Variants in RBFOX1 observed in about 807,000 individuals in gnomAD.
RBFOX1 encodes RNA binding fox-1 homolog 1.
Under a neutral mutation model 57.7 loss-of-function variants are expected in RBFOX1, and 8 were observed. The ratio of observed to expected loss-of-function variants is 0.14; its 90% CI spans 0.08 to 0.25. RBFOX1 has a LOEUF of 0.25. Among genes scored for constraint, RBFOX1 ranks in the 10% least tolerant of loss-of-function variants. RBFOX1 has a pLI of 1.00. For missense variants in RBFOX1, 611 were observed against 548.5 expected (o/e 1.11, Z -1.14); for synonymous variants, 326 against 222.4 (o/e 1.47, Z -4.15).
chr16:7,683,253 G>C (rs937938757), intron 14 of RBFOX1, among the ~76,000 whole-genome samples: 5 of 150,516 alleles, frequency 3.3e-5, no homozygotes, highest in African/African-American at 1.2e-4. Context: ...TCTCAGTACT[G>C]AGAAGTAATA....
intron 2 of RBFOX1, among the ~76,000 whole-genome samples, chr16:6,365,392 A>G (rs1026058425): frequency 1.3e-5 from 2 of 151,554 alleles, no homozygotes; most frequent in African/African-American, 4.8e-5. Flanking sequence ...AGGTGGATGG[A>G]TGAGTAGATG....
At chr16:5,701,341 A>C (rs1255371813) in intron 3 of RBFOX1, among the ~76,000 whole-genome samples, 2 of 152,198 alleles carry the variant, frequency 1.3e-5, no homozygotes, top group African/African-American at 4.8e-5. Context: ...TTGAAAGTTT[A>C]TTTTGCATGT....
chr16:7,036,730 CAAAGAA>C (rs869268425), intron 3 of RBFOX1, among the ~76,000 whole-genome samples: 11 of 132,136 alleles, frequency 8.3e-5, no homozygotes, highest in Middle Eastern at 3.8e-3. Flanking sequence ...AAAAAACAAA[CAAAGAA>C]AAAAAAAAAG....
At chr16:7,704,442 C>G (rs998127436) in intron 14 of RBFOX1, among the ~76,000 whole-genome samples, 2 of 152,168 alleles carry the variant, frequency 1.3e-5, no homozygotes, top group African/African-American at 4.8e-5. Flanking sequence ...TTGAAGCATC[C>G]TGAATGTGTC....
At chr16:7,472,953 T>TGGCTGTGCCTTTCATA (rs2061839204) in intron 4 of RBFOX1, among the ~76,000 whole-genome samples, 1 of 84,196 alleles carries the variant, frequency 1.2e-5, no homozygotes, top group African/African-American at 3.7e-5. Flanking sequence ...TACAGGGATT[T>TGGCTGTGCCTTTCATA]GGCTATGCCT....
At chr16:7,473,531 A>T (rs2061993981) in intron 4 of RBFOX1, among the ~76,000 whole-genome samples, 1 of 149,188 alleles carries the variant, frequency 6.7e-6, no homozygotes, top group African/African-American at 2.4e-5. Flanking sequence ...TAATATATAT[A>T]AAGGACCTTG....
At chr16:6,598,837 TC>T (rs200541243) in intron 2 of RBFOX1, among the ~76,000 whole-genome samples, 4,419 of 152,156 alleles carry the variant, frequency 0.029, 216 homozygotes, top group African/African-American at 0.1. Context: ...TCCCAGCTAC[TC>T]GGGAGGCTGA....
At chr16:5,532,055 T>C (rs1310999183) in intron 2 of RBFOX1, among the ~76,000 whole-genome samples, 2 of 152,158 alleles carry the variant, frequency 1.3e-5, no homozygotes, top group Non-Finnish European at 2.9e-5. Flanking sequence ...CGCCTCGACC[T>C]CCCAAAGTGC....
chr16:7,701,845 G>C (rs2080842173), intron 14 of RBFOX1, among the ~76,000 whole-genome samples: 1 of 152,202 alleles, frequency 6.6e-6, no homozygotes, highest in South Asian at 2.1e-4. Context: ...ACATTTCCTA[G>C]ATAAACCATT....
chr16:7,474,271 G>A (rs1358628230), intron 4 of RBFOX1, among the ~76,000 whole-genome samples: 1 of 151,990 alleles, frequency 6.6e-6, no homozygotes, highest in Non-Finnish European at 1.5e-5. Flanking sequence ...TGGGTGACAG[G>A]GCGAGACTCC....
intron 3 of RBFOX1, among the ~76,000 whole-genome samples, chr16:7,013,736 C>T (rs545722997): frequency 4.0e-5 from 6 of 151,892 alleles, no homozygotes; most frequent in Admixed American, 3.3e-4. Context: ...CTGCTCACTG[C>T]AGCCTCAAAC....
At chr16:6,826,540 C>G (rs7197330) in intron 3 of RBFOX1, among the ~76,000 whole-genome samples, 117,861 of 152,080 alleles carry the variant, frequency 0.77, 45,977 homozygotes, top group African/African-American at 0.87. Context: ...GCACAGTCTT[C>G]CGGGCATACG....
chr16:5,989,116 C>T (rs112029301), intron 4 of RBFOX1, among the ~76,000 whole-genome samples: 100 of 149,978 alleles, frequency 6.7e-4, no homozygotes, highest in African/African-American at 2.1e-3. Context: ...GTCAAGGGAT[C>T]GAGACCATCC....
At chr16:7,582,913 A>G (rs2093886478) in intron 6 of RBFOX1, among the ~76,000 whole-genome samples, 1 of 152,158 alleles carries the variant, frequency 6.6e-6, no homozygotes, top group Admixed American at 6.5e-5. Context: ...ACTGCCTAAA[A>G]CTTGGCAGTG....
intron 3 of RBFOX1, among the ~76,000 whole-genome samples, chr16:6,775,171 A>G (rs1225151367): frequency 1.5e-5 from 2 of 133,104 alleles, no homozygotes; most frequent in Admixed American, 1.4e-4. Flanking sequence ...TAAAAGTACA[A>G]AAAAAAAAAA....
chr16:7,181,902 C>G (rs1462850896), intron 4 of RBFOX1, among the ~76,000 whole-genome samples: 1 of 152,048 alleles, frequency 6.6e-6, no homozygotes, highest in Non-Finnish European at 1.5e-5. Context: ...TGAAGTGGTT[C>G]TTACGTAATT....
intron 1 of RBFOX1, among the ~76,000 whole-genome samples, chr16:5,334,088 A>T (rs2064836313): frequency 2.0e-5 from 3 of 152,156 alleles, no homozygotes; most frequent in Non-Finnish European, 4.4e-5. Context: ...ACAGACTAAG[A>T]GTATTTAAGG....
At chr16:7,690,279 T>G (rs1000925913) in intron 14 of RBFOX1, among the ~76,000 whole-genome samples, 1 of 152,082 alleles carries the variant, frequency 6.6e-6, no homozygotes, top group East Asian at 1.9e-4. Flanking sequence ...ACCATTCACC[T>G]CAACAAGTGA....
chr16:5,647,994 G>A (rs998630495), intron 3 of RBFOX1, among the ~76,000 whole-genome samples: 1 of 152,160 alleles, frequency 6.6e-6, no homozygotes, highest in Non-Finnish European at 1.5e-5. Context: ...TGAGTAGCTT[G>A]GAGTATAGGC....
Sources: gnomAD v4.1 joint callset for allele counts (sites outside exome capture counted in the v4.1 genomes callset) on GRCh38, gnomAD v4.1.1 for gene constraint, MANE v1.5 for transcripts, NCBI Gene and HGNC (gene_info 2026-07-23, HGNC 2026-07-21) for gene names.